DNAAF1: variants seen among roughly 807,000 people sequenced by gnomAD.
The protein encoded by DNAAF1 is dynein assembly factor 1, axonemal.
In DNAAF1, 65 loss-of-function variants were observed where a neutral mutation model predicts 71.1. That is an observed-to-expected ratio of 0.91 (90% CI 0.75 to 1.12). The LOEUF is 1.12. DNAAF1 is among the 50% of genes most tolerant of loss of function. The pLI, the probability that DNAAF1 is intolerant of heterozygous loss-of-function variation, is 0.00. For synonymous variants in DNAAF1, 414 were observed against 354.6 expected (o/e 1.17, Z -1.88); for missense variants, 1,178 against 899.8 (o/e 1.31, Z -3.96).
At chr16:84,152,480 T>C (rs1460228017) in intron 3 of DNAAF1, among the ~76,000 whole-genome samples, 1 of 151,072 alleles carries the variant, frequency 6.6e-6, no homozygotes, top group Non-Finnish European at 1.5e-5. Context: ...CCATCTCTAC[T>C]AAAAATAACA....
Position 84,164,633 on chromosome 16 carries a change from T to C in DNAAF1, c.864-1150T>C, listed in dbSNP as rs79244196. ...CATTGCTGAGTGATATTCCTCCGTC[T>C]GGGTGTGCCAGAGTTTGTTTATCCA... On this transcript the variant is annotated intron_variant, in intron 6 of 11. Transcript: ENST00000378553. 3.1e-3 allele frequency among the ~76,000 whole-genome samples: 471 copies of C among 152,358 alleles called. 2 individuals carry two copies. The highest frequency in any genetic ancestry group is 0.011 in the African/African-American group (443 of 41,586).
intron 5 of DNAAF1, among the ~76,000 whole-genome samples, 194 bp downstream of exon 5, chr16:84,155,943 C>T (rs980371301): frequency 1.3e-5 from 2 of 151,910 alleles, no homozygotes; most frequent in African/African-American, 4.8e-5. Flanking sequence ...ACAAATAGTT[C>T]AGTGTGTGCC....
At chr16:84,172,132 C>A in intron 8 of DNAAF1, 128 bp from the exon 9 acceptor site, 2 of 844,718 alleles carry the variant, frequency 2.4e-6, no homozygotes, top group South Asian at 2.9e-5. Flanking sequence ...CCACCTTGGC[C>A]CCCCAAAGTG....
intron 9 of DNAAF1, chr16:84,174,384 G>C: frequency 2.3e-6 from 3 of 1,325,982 alleles, no homozygotes; most frequent in Non-Finnish European, 2.9e-6. Context: ...TGAACTGGCT[G>C]TGTCTCTTAA....
Position 84,149,025 on chromosome 16 carries a change from A to C in DNAAF1, c.143A>C (p.Glu48Ala). The change falls in exon 2 of 12, where the codon GAA becomes GCA. Residue 48 changes from glutamate to alanine, a missense_variant. Transcript: ENST00000378553. ...GCKEEINDPK[E>A]ICVGSSDTSY... ...TTTACAGAAATTAATGATCCTAAGGAAATATGTGTGGGTTCTTCTGACACA... is the reference window on the plus strand; with the variant it reads ...TTTACAGAAATTAATGATCCTAAGGCAATATGTGTGGGTTCTTCTGACACA... The C allele has an allele frequency of 6.2e-7, 1 of 1,614,112 alleles. No homozygotes were observed. Among genetic ancestry groups the C allele is most frequent in the Non-Finnish European group, 8.5e-7 (1 of 1,180,010 alleles).
Position 84,150,320 on chromosome 16 carries a change from T to TA in DNAAF1, c.331dup (p.Thr111AsnfsTer7), listed in dbSNP as rs767808030. On this transcript the variant is annotated frameshift_variant, in exon 3 of 12. Coordinates refer to ENST00000378553, the MANE Select transcript of DNAAF1 (RefSeq NM_178452.6). LOFTEE classifies it high-confidence loss of function. ...TTTATATTACCCCAGCATTGAATGA[T>TA]ACGCTGTATTTACACTTTAAAGGTA... is the stretch of plus-strand genomic sequence containing the variant. 6.2e-7 allele frequency: 1 copy of TA among 1,613,434 alleles called. No homozygotes were observed. The highest frequency in any genetic ancestry group is 8.5e-7 in the Non-Finnish European group (1 of 1,179,326).
intron 6 of DNAAF1, among the ~76,000 whole-genome samples, chr16:84,160,931 C>A (rs1402404312): frequency 6.8e-6 from 1 of 147,518 alleles, no homozygotes; most frequent in African/African-American, 2.5e-5. Context: ...AGCGAGACTC[C>A]GTCTCAAAAA....
Position 84,177,156 on chromosome 16 carries a change from T to G in DNAAF1, c.2066-573T>G. 6 of 181,254 alleles carry G rather than the reference T, an allele frequency of 3.3e-5. No homozygotes were observed. In the South Asian group the frequency reaches 3.5e-4, roughly 10 times the overall value. The allele number at this position is 181,254 out of a possible 1,614,324, so 11.2% of individuals were successfully genotyped here. A position where few individuals can be genotyped will look rare whatever the true frequency, so the allele number is the denominator to read the frequency against. ...GGAAGCAGGGAGTGGCCTGAGTGCA[T>G]TTCCCGGGAACACTGAGTGGCCTTC... On this transcript the variant is annotated intron_variant, in intron 11 of 11. Coordinates refer to ENST00000378553, the MANE Select transcript of DNAAF1 (RefSeq NM_178452.6).
chr16:84,155,476 C>T (rs772158369), intron 4 of DNAAF1, 107 bp from the exon 5 acceptor site: 535 of 1,278,992 alleles, frequency 4.2e-4, no homozygotes, highest in Middle Eastern at 7.8e-4. Flanking sequence ...AAGATTCTCC[C>T]GCTTTAGCCT....
chr16:84,145,580 C>G lies in DNAAF1; in HGVS notation c.124+16C>G. 1 of 1,543,982 alleles carries G rather than the reference C, an allele frequency of 6.5e-7. No homozygotes were observed. The highest frequency in any genetic ancestry group is 8.7e-7 in the Non-Finnish European group (1 of 1,144,982). On this transcript the variant is annotated intron_variant, in intron 1 of 11. Coordinates refer to ENST00000378553, the MANE Select transcript of DNAAF1 (RefSeq NM_178452.6). ...TGCAAGGAAGGTGCCGACTGCCCCC[C>G]AGGGAGGGCGGTGGGCGAGGGGCAG...
chr16:84,160,467 T>C lies in DNAAF1; in HGVS notation c.863+671T>C, dbSNP rs560935177. Among the ~76,000 whole-genome samples the C allele has an allele frequency of 5.3e-5, 8 of 152,354 alleles. No individual in the cohort carries two copies. In the East Asian group the frequency reaches 1.5e-3, roughly 29 times the overall value. ...ACTTACTTTTAAATTTAGATCAATT[T>C]AGTAATTCTAATTAGAATAAAATAT... is the stretch of plus-strand genomic sequence containing the variant. On this transcript the variant is annotated intron_variant, in intron 6 of 11. Transcript: ENST00000378553.
intron 9 of DNAAF1, chr16:84,174,131 G>A: frequency 1.0e-6 from 1 of 964,886 alleles, no homozygotes; most frequent in Non-Finnish European, 1.2e-6. Context: ...AAATGGTGGT[G>A]GGGGAGTAAC....
chr16:84,145,455 C>T lies in DNAAF1; in HGVS notation c.15C>T (p.Pro5=). 6.3e-7 allele frequency: 1 copy of T among 1,580,530 alleles called. No homozygotes were observed. The highest frequency in any genetic ancestry group is 1.2e-5 in the South Asian group (1 of 86,138). Residue 5 remains proline (P), a synonymous_variant, in exon 1 of 12, where the codon CCC becomes CCT. Transcript: ENST00000378553. MHPE[P]SEPATGGAAE... ...CCGAAGTAAACATGCACCCTGAGCCCTCGGAGCCTGCGACAGGTGGTGCAG... is the reference window on the plus strand; with the variant it reads ...CCGAAGTAAACATGCACCCTGAGCCTTCGGAGCCTGCGACAGGTGGTGCAG...
rs1345023106 is a variant in DNAAF1 at position 84,174,365 on chromosome 16, C to T, written c.1645-304C>T. The T allele has an allele frequency of 3.9e-6, 5 of 1,287,552 alleles. No individual in the cohort carries two copies. In the African/African-American group the frequency reaches 4.5e-5, roughly 12 times the overall value. 79.8% of individuals were successfully genotyped at this position (1,287,552 alleles called of 1,614,324 possible). A position where few individuals can be genotyped will look rare whatever the true frequency, so the allele number is the denominator to read the frequency against. Reference sequence around the variant, plus strand: ...GCATTTGGTTTGGGTCCCATTATTTCCCCCAAGATGAACTGGCTGTGTCTC... The same window carrying T: ...GCATTTGGTTTGGGTCCCATTATTTTCCCCAAGATGAACTGGCTGTGTCTC... On this transcript the variant is annotated intron_variant, in intron 9 of 11. Coordinates refer to ENST00000378553, the MANE Select transcript of DNAAF1 (RefSeq NM_178452.6).
intron 11 of DNAAF1, 100 bp from the exon 12 acceptor site, chr16:84,177,629 G>A (rs1284738031): frequency 3.1e-6 from 3 of 983,566 alleles, no homozygotes; most frequent in Non-Finnish European, 4.9e-6. Flanking sequence ...ACGCCCAGTT[G>A]AGGACACTGA....
At chr16:84,161,702 C>A (rs867699903) in intron 6 of DNAAF1, among the ~76,000 whole-genome samples, 1 of 151,600 alleles carries the variant, frequency 6.6e-6, no homozygotes, top group Non-Finnish European at 1.5e-5. Context: ...CAGCCACTGA[C>A]TAATTGTTTG....
intron 3 of DNAAF1, among the ~76,000 whole-genome samples, chr16:84,152,954 C>T (rs7198694): frequency 7.2e-6 from 1 of 138,960 alleles, no homozygotes. Context: ...CAGACTCCAT[C>T]TGAAAAAAAA....
chr16:84,163,222 A>G (rs1331635151), intron 6 of DNAAF1, among the ~76,000 whole-genome samples: 1 of 152,118 alleles, frequency 6.6e-6, no homozygotes, highest in Non-Finnish European at 1.5e-5. Context: ...TGGGTCATAC[A>G]GGGACTTTAC....
Position 84,174,485 on chromosome 16 carries a change from G to A in DNAAF1, c.1645-184G>A. ...TTATTAGATCCAGACACCTGAGGTGGCAACGCTTGCTTTGTGTGTATCTAG... is the reference window on the plus strand; with the variant it reads ...TTATTAGATCCAGACACCTGAGGTGACAACGCTTGCTTTGTGTGTATCTAG... On this transcript the variant is annotated intron_variant, in intron 9 of 11. Coordinates refer to ENST00000378553, the MANE Select transcript of DNAAF1 (RefSeq NM_178452.6). The A allele has an allele frequency of 2.7e-6, 4 of 1,476,810 alleles. No homozygotes were observed. In the African/African-American group the frequency reaches 5.6e-5, roughly 21 times the overall value. 91.5% of individuals were successfully genotyped at this position (1,476,810 alleles called of 1,614,324 possible).
Sources: gnomAD v4.1 joint callset for allele counts (sites outside exome capture counted in the v4.1 genomes callset) on GRCh38, gnomAD v4.1.1 for gene constraint, MANE v1.5 for transcripts, NCBI Gene and HGNC (gene_info 2026-07-23, HGNC 2026-07-21) for gene names.